SEPTIN11: variants seen among roughly 807,000 people sequenced by gnomAD.
SEPTIN11 encodes the protein septin 11.
Under a neutral mutation model 51.4 loss-of-function variants are expected in SEPTIN11, and 25 were observed. That is an observed-to-expected ratio of 0.49 (90% CI 0.35 to 0.68). The LOEUF (loss-of-function observed/expected upper bound fraction) is 0.68, where lower values mean the gene tolerates loss of function less well. SEPTIN11 is among the 30% of genes least tolerant of loss of function. SEPTIN11 has a pLI of 0.00. For synonymous variants in SEPTIN11, 174 were observed against 184.1 expected (o/e 0.95, Z 0.44); for missense variants, 381 against 520.8 (o/e 0.73, Z 2.61).
rs181980532 is a variant in SEPTIN11 at position 76,955,438 on chromosome 4, A to G, written c.27+5508A>G. Among the ~76,000 whole-genome samples the G allele has an allele frequency of 4.9e-3, 746 of 152,280 alleles. 10 individuals carry two copies. Among genetic ancestry groups the G allele is most frequent in the Non-Finnish European group, 4.9e-3 (331 of 68,016 alleles). Reference sequence around the variant, plus strand: ...GAGGGAGAGACTCTTAAGAAATCCAATGTAGCAGGAACGTCAGCCTTAGGG... The same window carrying G: ...GAGGGAGAGACTCTTAAGAAATCCAGTGTAGCAGGAACGTCAGCCTTAGGG... On this transcript the variant is annotated intron_variant, in intron 1 of 9. Transcript: ENST00000264893.
intron 1 of SEPTIN11, among the ~76,000 whole-genome samples, chr4:76,951,487 G>T (rs1431588945): frequency 6.6e-6 from 1 of 152,096 alleles, no homozygotes; most frequent in Non-Finnish European, 1.5e-5. Context: ...TTTATTTTTG[G>T]TGAGAAAATT....
intron 3 of SEPTIN11, among the ~76,000 whole-genome samples, chr4:77,007,345 C>G (rs981482791): frequency 1.3e-5 from 2 of 152,190 alleles, no homozygotes; most frequent in African/African-American, 4.8e-5. Context: ...CTTGTCCATT[C>G]CTTGATTGGA....
At chr4:77,028,965 A>AT (rs1224171219) in intron 8 of SEPTIN11, among the ~76,000 whole-genome samples, 3 of 152,194 alleles carry the variant, frequency 2.0e-5, no homozygotes, top group African/African-American at 7.2e-5. Flanking sequence ...AGTTAAAACT[A>AT]TTTTTGCAGT....
chr4:77,026,737 C>T (rs1726174521), intron 7 of SEPTIN11, among the ~76,000 whole-genome samples: 1 of 152,270 alleles, frequency 6.6e-6, no homozygotes, highest in East Asian at 1.9e-4. Context: ...CTAAAATCAA[C>T]AAAAACTGAG....
intron 5 of SEPTIN11, among the ~76,000 whole-genome samples, chr4:77,015,573 C>T (rs891865502): frequency 3.9e-5 from 6 of 152,274 alleles, no homozygotes; most frequent in East Asian, 1.9e-4. Context: ...TCCATCCTGC[C>T]GGTTGATGCT....
intron 1 of SEPTIN11, chr4:76,974,501 A>G (rs577669729): frequency 8.8e-6 from 2 of 226,614 alleles, no homozygotes; most frequent in Admixed American, 1.0e-4. Flanking sequence ...GACCCAGGAG[A>G]GTGAGTGACC....
At chr4:77,008,485 A>C (rs1666117088) in intron 3 of SEPTIN11, among the ~76,000 whole-genome samples, 1 of 152,226 alleles carries the variant, frequency 6.6e-6, no homozygotes, top group Non-Finnish European at 1.5e-5. Context: ...TCAAGGGATA[A>C]GGAAAATTGG....
intron 1 of SEPTIN11, among the ~76,000 whole-genome samples, chr4:76,980,873 G>C (rs1416798750): frequency 6.6e-6 from 1 of 152,130 alleles, no homozygotes; most frequent in Non-Finnish European, 1.5e-5. Context: ...CCTTCCTACA[G>C]ATCGTATGGA....
At chr4:76,972,334 C>T (rs1722285650) in intron 1 of SEPTIN11, 2 of 152,212 alleles carry the variant, frequency 1.3e-5, no homozygotes, top group Admixed American at 1.3e-4. Flanking sequence ...TCACTCTTCA[C>T]TGAAATTCAC....
chr4:77,037,131 G>A lies in SEPTIN11; in HGVS notation c.*2619G>A, dbSNP rs985870011. 8.6e-6 allele frequency: 8 copies of A among 928,032 alleles called. No individual in the cohort carries two copies. The African/African-American group carries it at 1.4e-4, about 16-fold the overall frequency. 57.5% of individuals were successfully genotyped at this position (928,032 alleles called of 1,614,324 possible). On this transcript the variant is annotated 3_prime_UTR_variant, in exon 10 of 10. Transcript: ENST00000264893. ...AATCCCAGCACTTTGAGAGGCCGAG[G>A]TGGGCAGATCACTTGAGGCCTGGAG...
At chr4:77,023,971 T>C (rs1426323195) in intron 7 of SEPTIN11, among the ~76,000 whole-genome samples, 1 of 152,202 alleles carries the variant, frequency 6.6e-6, no homozygotes, top group Non-Finnish European at 1.5e-5. Context: ...GCACAGGATT[T>C]CTGCATGGGT....
At chr4:76,960,015 G>A (rs1003534958) in intron 1 of SEPTIN11, among the ~76,000 whole-genome samples, 1 of 152,108 alleles carries the variant, frequency 6.6e-6, no homozygotes, top group Non-Finnish European at 1.5e-5. Context: ...TACTCTTTTA[G>A]TTATTTTTAA....
At chr4:76,976,621 T>C (rs1722515709) in intron 1 of SEPTIN11, among the ~76,000 whole-genome samples, 1 of 152,254 alleles carries the variant, frequency 6.6e-6, no homozygotes, top group South Asian at 2.1e-4. Context: ...ATTTGACTTA[T>C]GTTGGGAGCC....
At chr4:76,956,740 G>A (rs1019900930) in intron 1 of SEPTIN11, among the ~76,000 whole-genome samples, 1 of 152,174 alleles carries the variant, frequency 6.6e-6, no homozygotes, top group Non-Finnish European at 1.5e-5. Flanking sequence ...AATGAGGATA[G>A]AGAATCCTCC....
chr4:76,990,047 G>A (rs1173434024), intron 1 of SEPTIN11, among the ~76,000 whole-genome samples: 1 of 152,068 alleles, frequency 6.6e-6, no homozygotes, highest in Non-Finnish European at 1.5e-5. Flanking sequence ...AGCGTGGAAG[G>A]GGACCTGAGC....
At chr4:77,011,541 A>G (rs1298330054) in intron 3 of SEPTIN11, among the ~76,000 whole-genome samples, 194 bp from the exon 4 acceptor site, 2 of 151,278 alleles carry the variant, frequency 1.3e-5, no homozygotes, top group East Asian at 1.9e-4. Context: ...GGCTGCTACA[A>G]ATGATTGGGC....
chr4:77,006,714 C>A (rs1032377803), intron 3 of SEPTIN11, among the ~76,000 whole-genome samples: 2 of 152,118 alleles, frequency 1.3e-5, no homozygotes, highest in Non-Finnish European at 2.9e-5. Flanking sequence ...ACAGCTCAGA[C>A]ACTTTGCTTG....
chr4:76,990,457 G>A (rs1005042942), intron 1 of SEPTIN11, among the ~76,000 whole-genome samples: 3 of 152,114 alleles, frequency 2.0e-5, no homozygotes, highest in Non-Finnish European at 4.4e-5. Flanking sequence ...AGACCAGTCC[G>A]TGGCCTGTCC....
At chr4:77,033,563 A>G (rs1038386161) in intron 9 of SEPTIN11, among the ~76,000 whole-genome samples, 2 of 152,218 alleles carry the variant, frequency 1.3e-5, no homozygotes, top group Non-Finnish European at 2.9e-5. Context: ...TGGCACTGCC[A>G]TTAGCTGGAC....
Sources: allele counts gnomAD v4.1 joint callset (sites outside exome capture counted in the v4.1 genomes callset), GRCh38; gene constraint gnomAD v4.1.1; transcripts MANE v1.5; gene names NCBI Gene and HGNC (gene_info 2026-07-23, HGNC 2026-07-21).